Variants in PCDHA1 observed in about 807,000 individuals in gnomAD.
The protein encoded by PCDHA1 is protocadherin alpha 1, also known as protocadherin alpha-1.
In PCDHA1, 42 loss-of-function variants were observed where a neutral mutation model predicts 61.3. The observed-to-expected ratio is 0.69, with a 90% CI of 0.54 to 0.89. PCDHA1 has a LOEUF of 0.89. Ranked by LOEUF, PCDHA1 falls within the 40% of genes least tolerant of loss-of-function variation. The probability of loss-of-function intolerance (pLI) is 0.00; values close to 1 mark genes in which losing one functional copy is unlikely to be tolerated. For missense variants in PCDHA1, 1,256 were observed against 1,235.3 expected (o/e 1.02, Z -0.25); for synonymous variants, 610 against 553.8 (o/e 1.10, Z -1.43).
At chr5:140,834,878 C>G in intron 1 of PCDHA1, 1 of 1,607,956 alleles carries the variant, frequency 6.2e-7, no homozygotes, top group Non-Finnish European at 8.5e-7. Context: ...TCGGGGAGAA[C>G]GCCCTGCTCA....
chr5:140,836,303 G>T (rs2150257246), intron 1 of PCDHA1: 3 of 1,613,706 alleles, frequency 1.9e-6, no homozygotes, highest in East Asian at 4.5e-5. Flanking sequence ...TAGATGAGAC[G>T]GACGCACCGC....
chr5:141,009,563 C>T (rs1588242901), intron 3 of PCDHA1, 64 bp from the exon 4 acceptor site: 2 of 1,571,920 alleles, frequency 1.3e-6, no homozygotes, highest in Non-Finnish European at 1.7e-6. Flanking sequence ...TGTACTCTAC[C>T]AGCAGTGTGG....
chr5:140,875,449 A>T, intron 1 of PCDHA1: 2 of 1,590,426 alleles, frequency 1.3e-6, no homozygotes, highest in Non-Finnish European at 8.6e-7. Flanking sequence ...GATTGTCCCA[A>T]CTCAGAGGCC....
intron 3 of PCDHA1, among the ~76,000 whole-genome samples, chr5:140,995,404 A>G (rs941348184): frequency 1.3e-5 from 2 of 152,184 alleles, no homozygotes; most frequent in Admixed American, 6.5e-5. Flanking sequence ...ATGGCTCGAG[A>G]TTTCATCACA....
rs1232037230 is a variant in PCDHA1 at position 140,844,720 on chromosome 5, C to T, written c.2394+56036C>T. On this transcript the variant is annotated intron_variant, in intron 1 of 3. Coordinates refer to ENST00000504120, the MANE Select transcript of PCDHA1 (RefSeq NM_018900.4). ...TTGGGATTATCATGGCCCATTAGTTCGTGTAAAAATATTTAGTATTATGGG... is the reference window on the plus strand; with the variant it reads ...TTGGGATTATCATGGCCCATTAGTTTGTGTAAAAATATTTAGTATTATGGG... Among the ~76,000 whole-genome samples the T allele has an allele frequency of 5.4e-5, 8 of 149,304 alleles. 1 individual carries two copies. Among genetic ancestry groups the T allele is most frequent in the East Asian group, 1.9e-4 (1 of 5,172 alleles).
At chr5:140,882,492 T>C (rs782572325) in intron 1 of PCDHA1, 1 of 1,614,090 alleles carries the variant, frequency 6.2e-7, no homozygotes, top group South Asian at 1.1e-5. Flanking sequence ...GGGGACCTTC[T>C]GGAGGTAAAT....
At chr5:140,806,944 G>A (rs1280740122) in intron 1 of PCDHA1, 4 of 576,276 alleles carry the variant, frequency 6.9e-6, no homozygotes, top group Non-Finnish European at 9.2e-6. Flanking sequence ...TTACAGTAGA[G>A]TGTGTGGGGG....
chr5:140,932,975 A>G (rs2088770619), intron 1 of PCDHA1, among the ~76,000 whole-genome samples: 1 of 152,012 alleles, frequency 6.6e-6, no homozygotes, highest in African/African-American at 2.4e-5. Flanking sequence ...GGTTTTTACA[A>G]TGCTCAAATG....
intron 1 of PCDHA1, chr5:140,808,097 G>A (rs782004795): frequency 6.2e-7 from 1 of 1,613,970 alleles, no homozygotes; most frequent in Non-Finnish European, 8.5e-7. Context: ...ACAAATTATT[G>A]TAAAGGGATA....
At chr5:141,007,777 T>G (rs1467527710) in intron 3 of PCDHA1, among the ~76,000 whole-genome samples, 2 of 152,226 alleles carry the variant, frequency 1.3e-5, no homozygotes, top group Non-Finnish European at 2.9e-5. Flanking sequence ...GAAATGGTAC[T>G]GCTTTACAAA....
chr5:140,881,220 G>A (rs1437715335), intron 1 of PCDHA1: 1 of 247,310 alleles, frequency 4.0e-6, no homozygotes, highest in Non-Finnish European at 6.5e-6. Context: ...TTGTTTCTTG[G>A]AAAATTAAAG....
In PCDHA1 at chr5:140,803,322, A is replaced by C. The variant is rs1190601909; in HGVS notation, c.2394+14638A>C. The C allele has an allele frequency of 1.9e-5, 30 of 1,614,136 alleles. No homozygotes were observed. Among genetic ancestry groups the C allele is most frequent in the Non-Finnish European group, 2.5e-5 (30 of 1,179,990 alleles). On this transcript the variant is annotated intron_variant, in intron 1 of 3. Transcript: ENST00000504120. ...GATCGTCGCCATCTGCGCGGTGTCC[A>C]GTCTGTTGGTGCTCACACTGCTGCT...
At chr5:140,920,425 C>T (rs1444166830) in intron 1 of PCDHA1, among the ~76,000 whole-genome samples, 1 of 151,960 alleles carries the variant, frequency 6.6e-6, no homozygotes, top group Non-Finnish European at 1.5e-5. Flanking sequence ...GCTGTTCTCC[C>T]ACACACCTCT....
intron 1 of PCDHA1, among the ~76,000 whole-genome samples, chr5:140,887,318 G>A (rs1485206878): frequency 6.6e-6 from 1 of 152,010 alleles, no homozygotes; most frequent in Non-Finnish European, 1.5e-5. Context: ...GGATAGTCTC[G>A]AACTCCTGAC....
At chr5:140,788,832 T>C (rs1761498277) in intron 1 of PCDHA1, 148 bp downstream of exon 1, 1 of 1,403,262 alleles carries the variant, frequency 7.1e-7, no homozygotes, top group Non-Finnish European at 9.3e-7. Context: ...ATCCTATTAA[T>C]GGCAGTTTTG....
At chr5:140,838,663 T>C (rs1206585706) in intron 1 of PCDHA1, among the ~76,000 whole-genome samples, 3 of 152,036 alleles carry the variant, frequency 2.0e-5, no homozygotes, top group Admixed American at 1.3e-4. Flanking sequence ...TAACGGGGCA[T>C]GGTGGCACAC....
At chr5:140,823,768 C>T (rs1434729447) in intron 1 of PCDHA1, 8 of 1,613,736 alleles carry the variant, frequency 5.0e-6, no homozygotes, top group Non-Finnish European at 6.8e-6. Context: ...AGCCACAGTG[C>T]TGGTGTCGCT....
intron 1 of PCDHA1, among the ~76,000 whole-genome samples, chr5:140,874,668 A>G (rs1424174427): frequency 6.6e-6 from 1 of 152,238 alleles, no homozygotes; most frequent in African/African-American, 2.4e-5. Context: ...TCCAGAATCT[A>G]TTCCTGAGAT....
At chr5:140,828,445 T>C in intron 1 of PCDHA1, 1 of 1,614,218 alleles carries the variant, frequency 6.2e-7, no homozygotes. Flanking sequence ...AGGTTTTCCA[T>C]GTGGACGTGG....
Sources: allele counts gnomAD v4.1 joint callset (sites outside exome capture counted in the v4.1 genomes callset), GRCh38; gene constraint gnomAD v4.1.1; transcripts MANE v1.5; gene names NCBI Gene and HGNC (gene_info 2026-07-23, HGNC 2026-07-21).